SF3B2: variants seen among roughly 807,000 people sequenced by gnomAD.
The protein encoded by SF3B2 is splicing factor 3b subunit 2.
SF3B2 carries 22 observed loss-of-function variants against 116.3 expected under a neutral mutation model. The observed-to-expected ratio is 0.19, with a 90% CI of 0.14 to 0.27. SF3B2 has a LOEUF of 0.27. SF3B2 is among the 10% of genes least tolerant of loss of function. SF3B2 has a pLI of 1.00. For missense variants in SF3B2, 767 were observed against 1,151.4 expected (o/e 0.67, Z 4.83); for synonymous variants, 406 against 421.6 (o/e 0.96, Z 0.45).
chr11:66,055,337 GC>G (rs1178441644), intron 4 of SF3B2, 22 bp downstream of exon 4: 2 of 1,605,484 alleles, frequency 1.2e-6, no homozygotes, highest in South Asian at 2.2e-5. Context: ...GGCAGCCCTG[GC>G]CTTGGACTCA....
intron 7 of SF3B2, among the ~76,000 whole-genome samples, chr11:66,057,749 G>A (rs1857026788): frequency 6.6e-6 from 1 of 151,852 alleles, no homozygotes; most frequent in Admixed American, 6.6e-5. Context: ...GCCGAGGCGG[G>A]CGGATCACCT....
chr11:66,056,093 A>G (rs1367222797), intron 5 of SF3B2, among the ~76,000 whole-genome samples: 1 of 152,178 alleles, frequency 6.6e-6, no homozygotes, highest in Non-Finnish European at 1.5e-5. Flanking sequence ...AGTATTAAAA[A>G]GTAAGTGTTA....
chr11:66,053,227 C>T (rs1856922029), intron 3 of SF3B2, 123 bp downstream of exon 3: 2 of 918,108 alleles, frequency 2.2e-6, no homozygotes, highest in Non-Finnish European at 3.6e-6. Flanking sequence ...ACTCGCCTGA[C>T]CTGAGTGGGG....
At chr11:66,063,220 G>C (rs550267520) in intron 17 of SF3B2, 104 bp downstream of exon 17, 133 of 1,053,416 alleles carry the variant, frequency 1.3e-4, no homozygotes, top group Non-Finnish European at 1.8e-4. Context: ...TGACACAGCA[G>C]AGCCTGGAAA....
Position 66,055,063 on chromosome 11 carries a change from A to G in SF3B2, c.259-13A>G. On this transcript the variant is annotated splice_polypyrimidine_tract_variant and intron_variant, in intron 3 of 21. Coordinates refer to ENST00000322535, the MANE Select transcript of SF3B2 (RefSeq NM_006842.3). ...AAATGCTTCCTAGTTTTATGATCAT[A>G]TTTTCTCCACAGCTCCCTGGAATTC... The G allele has an allele frequency of 2.0e-6, 3 of 1,500,588 alleles. No individual in the cohort carries two copies. The African/African-American group carries it at 4.2e-5, about 21-fold the overall frequency. 93.0% of individuals were successfully genotyped at this position (1,500,588 alleles called of 1,614,324 possible).
At chr11:66,063,846 G>A in intron 19 of SF3B2, 117 bp downstream of exon 19, 1 of 766,490 alleles carries the variant, frequency 1.3e-6, no homozygotes, top group Non-Finnish European at 2.0e-6. Context: ...CCAACTCTCT[G>A]CCAGGCACTA....
chr11:66,068,601 C>T, intron 21 of SF3B2, 73 bp from the exon 22 acceptor site: 3 of 1,289,688 alleles, frequency 2.3e-6, no homozygotes, highest in Non-Finnish European at 3.3e-6. Context: ...CTATGTCAGG[C>T]TGCCCACCCT....
rs1857035210 is a variant in SF3B2 at position 66,058,109 on chromosome 11, A to G, written c.833A>G (p.Gln278Arg). Residue 278 changes from glutamine (Q) to arginine (R), a missense_variant, in exon 8 of 22, where the codon CAG becomes CGG. By Grantham distance (43) the Gln-to-Arg change is conservative. Transcript: ENST00000322535. Reference sequence around the variant, plus strand: ...CCCCAGGCTTTGGAGAAGATCCTGCAGCTGAAGGAGAGCCGCCAGGAAGAG... The same window carrying G: ...CCCCAGGCTTTGGAGAAGATCCTGCGGCTGAAGGAGAGCCGCCAGGAAGAG... ...KIPQALEKILQLKESRQEEMN... is the reference protein window; with the variant it reads ...KIPQALEKILRLKESRQEEMN... 1 of 1,609,900 alleles carries G rather than the reference A, an allele frequency of 6.2e-7. No individual in the cohort carries two copies. The highest frequency in any genetic ancestry group is 8.5e-7 in the Non-Finnish European group (1 of 1,178,078).
At chr11:66,058,689 C>T (rs763633069) in intron 9 of SF3B2, 141 bp from the exon 10 acceptor site, 21 of 727,292 alleles carry the variant, frequency 2.9e-5, no homozygotes, top group Non-Finnish European at 4.1e-5. Flanking sequence ...AAGGCCCCTT[C>T]GCAGCTACTT....
chr11:66,052,917 G>T, intron 2 of SF3B2, 110 bp from the exon 3 acceptor site: 1 of 1,295,062 alleles, frequency 7.7e-7, no homozygotes, highest in South Asian at 1.2e-5. Flanking sequence ...TGCCCAGCCA[G>T]AGCGCTGGCA....
chr11:66,060,489 G>A (rs1251441167), intron 13 of SF3B2, 93 bp from the exon 14 acceptor site: 8 of 1,443,852 alleles, frequency 5.5e-6, no homozygotes, highest in Non-Finnish European at 7.6e-6. Flanking sequence ...GATAATTGAG[G>A]CTTCCCATGA....
intron 19 of SF3B2, chr11:66,067,335 A>G: frequency 2.2e-6 from 1 of 448,782 alleles, no homozygotes; most frequent in Admixed American, 2.4e-5. Flanking sequence ...GAGGGTTTTG[A>G]GCAAAGGTCT....
At position 66,058,821 on chromosome 11, in the gene SF3B2, T is replaced by G; in HGVS notation, c.967-9T>G. 1 of 1,606,632 alleles carries G rather than the reference T, an allele frequency of 6.2e-7. No individual in the cohort carries two copies. Among genetic ancestry groups the G allele is most frequent in the South Asian group, 1.1e-5 (1 of 90,398 alleles). ...TCCCTGACCCAGCTGGTTTTCCTCC[T>G]CTTGACAGAAAAACCGGAAGCGTAG... On this transcript the variant is annotated splice_polypyrimidine_tract_variant and intron_variant, in intron 9 of 21. Transcript: ENST00000322535.
chr11:66,058,585 AT>A lies in SF3B2; in HGVS notation c.966+184del. ...AGTTCCAAGTACTATACGTGCCTACATTTTACAGCTGAAAAAGCAGAGGTTC... is the reference window on the plus strand; with the variant it reads ...AGTTCCAAGTACTATACGTGCCTACATTTACAGCTGAAAAAGCAGAGGTTC... On this transcript the variant is annotated intron_variant, in intron 9 of 21. Coordinates refer to ENST00000322535, the MANE Select transcript of SF3B2 (RefSeq NM_006842.3). 3 of 630,552 alleles carry A rather than the reference AT, an allele frequency of 4.8e-6. No individual in the cohort carries two copies. In the East Asian group the frequency reaches 8.2e-5, roughly 17 times the overall value. The allele number at this position is 630,552 out of a possible 1,614,324, so 39.1% of individuals were successfully genotyped here.
chr11:66,055,807 A>C, intron 5 of SF3B2: 4 of 512,656 alleles, frequency 7.8e-6, no homozygotes. Context: ...TAACTTTAAA[A>C]TTTTTTAAGG....
intron 7 of SF3B2, 115 bp downstream of exon 7, chr11:66,057,490 G>A (rs765850514): frequency 1.4e-5 from 9 of 655,526 alleles, no homozygotes; most frequent in Non-Finnish European, 2.2e-5. Context: ...ATTCCTGGGG[G>A]TAGTGGGGAG....
At chr11:66,064,267 C>T (rs1285971435) in intron 19 of SF3B2, among the ~76,000 whole-genome samples, 1 of 152,176 alleles carries the variant, frequency 6.6e-6, no homozygotes, top group Non-Finnish European at 1.5e-5. Flanking sequence ...ATTACTTGAA[C>T]AATTTTTATG....
At chr11:66,055,898 C>T (rs1856985567) in intron 5 of SF3B2, 1 of 346,750 alleles carries the variant, frequency 2.9e-6, no homozygotes. Flanking sequence ...ACCTTCTGAC[C>T]TATTATAAAA....
In SF3B2 at chr11:66,063,402, C is replaced by A. The variant is rs1230010515; in HGVS notation, c.2088C>A (p.Thr696=). 3.7e-6 allele frequency: 6 copies of A among 1,611,260 alleles called. No individual in the cohort carries two copies. Among genetic ancestry groups the A allele is most frequent in the Admixed American group, 3.4e-5 (2 of 59,512 alleles). Residue 696 remains threonine (T), a splice_region_variant and synonymous_variant, in exon 18 of 22, where the codon ACC becomes ACA. Coordinates refer to ENST00000322535, the MANE Select transcript of SF3B2 (RefSeq NM_006842.3). ...VFGTNAAEFQ[T]KTEEEEIDRT... is the part of the protein sequence containing the mutation. ...AATGATAAAGTGATCTCTTTCAGACCAAGACTGAGGAAGAAGAGATTGATC... is the reference window on the plus strand; with the variant it reads ...AATGATAAAGTGATCTCTTTCAGACAAAGACTGAGGAAGAAGAGATTGATC...
Sources: gnomAD v4.1 joint callset for allele counts (sites outside exome capture counted in the v4.1 genomes callset) on GRCh38, gnomAD v4.1.1 for gene constraint, MANE v1.5 for transcripts, NCBI Gene and HGNC (gene_info 2026-07-23, HGNC 2026-07-21) for gene names.